PACRG: variants seen among roughly 807,000 people sequenced by gnomAD.
PACRG encodes parkin coregulated gene protein.
PACRG carries 29 observed loss-of-function variants against 29.7 expected under a neutral mutation model. The observed-to-expected ratio is 0.98, with a 90% CI of 0.73 to 1.33. The LOEUF (loss-of-function observed/expected upper bound fraction) is 1.33, where lower values mean the gene tolerates loss of function less well. PACRG is among the 40% of genes most tolerant of loss of function. The probability of loss-of-function intolerance (pLI) is 0.00; values close to 1 mark genes in which losing one functional copy is unlikely to be tolerated. For missense variants in PACRG, 279 were observed against 316.2 expected, an observed-to-expected ratio of 0.88 and a Z score of 0.89; for synonymous variants, 116 against 118.7, an observed-to-expected ratio of 0.98 and a Z score of 0.15.
intron 4 of PACRG, among the ~76,000 whole-genome samples, chr6:163,270,814 A>T (rs1165217872): frequency 1.3e-5 from 2 of 152,176 alleles, no homozygotes; most frequent in Non-Finnish European, 2.9e-5. Flanking sequence ...AACACCAATG[A>T]TATGAGAGTG....
intron 2 of PACRG, among the ~76,000 whole-genome samples, chr6:162,936,521 C>G (rs1798243938): frequency 6.6e-6 from 1 of 152,164 alleles, no homozygotes. Context: ...AAAATATACT[C>G]AGAATTGGTA....
intron 2 of PACRG, among the ~76,000 whole-genome samples, chr6:163,006,638 C>T (rs1805145321): frequency 6.6e-6 from 1 of 151,836 alleles, no homozygotes; most frequent in Non-Finnish European, 1.5e-5. Flanking sequence ...GTGCATAACT[C>T]TTTAGAATTA....
At chr6:163,250,418 T>C (rs778941212) in intron 4 of PACRG, among the ~76,000 whole-genome samples, 8 of 152,176 alleles carry the variant, frequency 5.3e-5, no homozygotes, top group Non-Finnish European at 8.8e-5. Flanking sequence ...CCACACTGCT[T>C]CTGCAGAATT....
chr6:162,774,391 C>T (rs1415540467), intron 1 of PACRG, among the ~76,000 whole-genome samples: 11 of 152,216 alleles, frequency 7.2e-5, no homozygotes, highest in Admixed American at 7.2e-4. Flanking sequence ...AATGAAGTCC[C>T]CTTTAGATAT....
In PACRG at chr6:162,854,798, G is replaced by T. The variant is rs558535986; in HGVS notation, c.291+40517G>T. On this transcript the variant is annotated intron_variant, in intron 2 of 4. Coordinates refer to ENST00000366888, the MANE Select transcript of PACRG (RefSeq NM_001080379.2). ...TTCACCTAAATGAGCCTGATGACACGTGTGAAAAGCCCCACTTCGCTGGTT... is the reference window on the plus strand; with the variant it reads ...TTCACCTAAATGAGCCTGATGACACTTGTGAAAAGCCCCACTTCGCTGGTT... Among the ~76,000 whole-genome samples the T allele has an allele frequency of 2.6e-3, 393 of 152,280 alleles. 1 individual carries two copies. The highest frequency in any genetic ancestry group is 8.7e-3 in the African/African-American group (360 of 41,556).
intron 2 of PACRG, among the ~76,000 whole-genome samples, chr6:162,947,629 T>TA (rs1418165364): frequency 5.9e-5 from 4 of 67,748 alleles, no homozygotes; most frequent in Admixed American, 1.9e-4. Flanking sequence ...TATATATATA[T>TA]ATATATATAT....
chr6:163,167,840 AT>A (rs1585287446), intron 4 of PACRG, among the ~76,000 whole-genome samples: 1 of 152,316 alleles, frequency 6.6e-6, no homozygotes, highest in East Asian at 1.9e-4. Context: ...CCTTGAAGCC[AT>A]TTTTGACAAT....
At chr6:163,238,522 G>A (rs539675223) in intron 4 of PACRG, among the ~76,000 whole-genome samples, 1 of 152,310 alleles carries the variant, frequency 6.6e-6, no homozygotes, top group African/African-American at 2.4e-5. Context: ...TAAAGTGCTG[G>A]CATAATGAAG....
At chr6:163,199,478 C>G (rs375735478) in intron 4 of PACRG, among the ~76,000 whole-genome samples, 18 of 152,300 alleles carry the variant, frequency 1.2e-4, no homozygotes, top group East Asian at 7.7e-4. Context: ...CTATTATCAT[C>G]CCGTTTGCCT....
Position 163,282,274 on chromosome 6 carries a change from C to G in PACRG, c.614-32553C>G, listed in dbSNP as rs145602781. ...TTTTCCCACCCCACCAAGTAATTAG[C>G]AGGTCAAATCTGTCCTCTTAGAGCC... On this transcript the variant is annotated intron_variant, in intron 4 of 4. Transcript: ENST00000366888. Among the ~76,000 whole-genome samples the G allele has an allele frequency of 7.7e-4, 118 of 152,282 alleles. 1 individual carries two copies. The highest frequency in any genetic ancestry group is 2.7e-3 in the African/African-American group (113 of 41,544).
At chr6:163,249,332 A>G (rs1782815452) in intron 4 of PACRG, among the ~76,000 whole-genome samples, 1 of 152,078 alleles carries the variant, frequency 6.6e-6, no homozygotes, top group African/African-American at 2.4e-5. Flanking sequence ...TTTCAAACAT[A>G]GAAATTGTCC....
At chr6:162,913,018 G>A (rs567721251) in intron 2 of PACRG, among the ~76,000 whole-genome samples, 3 of 152,034 alleles carry the variant, frequency 2.0e-5, no homozygotes, top group Non-Finnish European at 1.5e-5. Context: ...TATATAAAAT[G>A]TTTAAAGAAG....
chr6:163,178,214 T>G (rs1012903064), intron 4 of PACRG, among the ~76,000 whole-genome samples: 2 of 152,150 alleles, frequency 1.3e-5, no homozygotes, highest in African/African-American at 2.4e-5. Flanking sequence ...CTGGGAATGC[T>G]CATTCCCACC....
Position 163,199,619 on chromosome 6 carries a change from C to T in PACRG, c.613+110211C>T, listed in dbSNP as rs1050060649. Among the ~76,000 whole-genome samples the T allele has an allele frequency of 3.3e-5, 5 of 152,178 alleles. No individual in the cohort carries two copies. The East Asian group carries it at 7.7e-4, about 23-fold the overall frequency. ...CTCACCCTTAACTGCCAAGCTTGGC[C>T]GCCTCTCAGGCACCTAATACTTCCC... On this transcript the variant is annotated intron_variant, in intron 4 of 4. Transcript: ENST00000366888.
chr6:163,195,329 A>G (rs2128363789), intron 4 of PACRG, among the ~76,000 whole-genome samples: 2 of 152,284 alleles, frequency 1.3e-5, no homozygotes, highest in Admixed American at 1.3e-4. Context: ...TGTTGCATCC[A>G]AAGAGAGTGC....
Position 162,840,042 on chromosome 6 carries a change from T to C in PACRG, c.291+25761T>C, listed in dbSNP as rs1171399796. ...TCAGGTAGTGTGATGCCTCCAGCTT[T>C]GTTCTTTTGGCTTAGGATTGACTTG... On this transcript the variant is annotated intron_variant, in intron 2 of 4. Transcript: ENST00000366888. Among the ~76,000 whole-genome samples, 7 of 120,836 alleles carry C rather than the reference T, an allele frequency of 5.8e-5. 1 individual carries two copies. Among genetic ancestry groups the C allele is most frequent in the African/African-American group, 2.3e-4 (7 of 29,878 alleles). The allele number at this position is 120,836 out of a possible 152,430, so 79.3% of individuals were successfully genotyped here.
chr6:163,241,082 A>T (rs530639249), intron 4 of PACRG, among the ~76,000 whole-genome samples: 1 of 152,348 alleles, frequency 6.6e-6, no homozygotes, highest in South Asian at 2.1e-4. Context: ...TAAATTATAC[A>T]GAAAATTGGT....
At chr6:163,188,362 G>C (rs778951526) in intron 4 of PACRG, among the ~76,000 whole-genome samples, 11 of 152,180 alleles carry the variant, frequency 7.2e-5, no homozygotes, top group Admixed American at 1.3e-4. Flanking sequence ...CAAAATGATT[G>C]AGCTTACTAA....
intron 4 of PACRG, chr6:163,182,847 T>G (rs183449142): frequency 5.2e-4 from 79 of 152,330 alleles, no homozygotes; most frequent in African/African-American, 1.9e-3. Flanking sequence ...TGGTCTTGAC[T>G]CTAAGTCCAA....
Sources: gnomAD v4.1 joint callset for allele counts (sites outside exome capture counted in the v4.1 genomes callset) on GRCh38, gnomAD v4.1.1 for gene constraint, MANE v1.5 for transcripts, NCBI Gene and HGNC (gene_info 2026-07-23, HGNC 2026-07-21) for gene names.